TET3: variants seen among roughly 807,000 people sequenced by gnomAD.
TET3 encodes the protein methylcytosine dioxygenase TET3.
TET3 carries 19 observed loss-of-function variants against 141.4 expected under a neutral mutation model. The ratio of observed to expected loss-of-function variants is 0.13; its 90% CI spans 0.09 to 0.20. TET3 has a LOEUF of 0.20. Among genes scored for constraint, TET3 ranks in the 10% least tolerant of loss-of-function variants. TET3 has a pLI of 1.00. For missense variants in TET3, 1,874 were observed against 2,356.9 expected (o/e 0.80, Z 4.24); for synonymous variants, 1,043 against 980.9 (o/e 1.06, Z -1.18).
rs372536879 is a variant in TET3, at chr2:74,047,094, C to G, written c.1177C>G (p.Pro393Ala). 19 of 1,614,008 alleles carry G rather than the reference C, an allele frequency of 1.2e-5. No homozygotes were observed. Among genetic ancestry groups the G allele is most frequent in the Non-Finnish European group, 1.6e-5 (19 of 1,179,874 alleles). The change falls in exon 4 of 12, where the codon CCT (proline) becomes GCT (alanine). Residue 393 changes from proline (P) to alanine (A), a missense_variant. Around this residue, in one of 10 missense-constraint regions of TET3, gnomAD observed 484 missense variants for 462.2 expected, o/e 1.05. Transcript: ENST00000409262. Reference sequence around the variant, plus strand: ...TCCTGAGGCCTTGTCACCTCCTGCCCCTTTCAGATCTCCCCAGTCTTACCT... The same window carrying G: ...TCCTGAGGCCTTGTCACCTCCTGCCGCTTTCAGATCTCCCCAGTCTTACCT... ...PLPEALSPPA[P>A]FRSPQSYLRA...
At chr2:74,118,109 C>G in the TET3 span, among the ~76,000 whole-genome samples, 4 of 152,316 alleles carry the variant, frequency 2.6e-5, no homozygotes, top group Non-Finnish European at 5.9e-5. Flanking sequence ...ACCTGTGACG[C>G]TAATCATCTC....
the TET3 span, among the ~76,000 whole-genome samples, chr2:74,129,212 A>T: frequency 2.7e-5 from 4 of 146,770 alleles, no homozygotes; most frequent in Non-Finnish European, 6.0e-5. Flanking sequence ...GCTACTCAGG[A>T]GGCTGAGGCA....
chr2:74,043,730 G>A (rs971127017), intron 3 of TET3, among the ~76,000 whole-genome samples: 2 of 152,198 alleles, frequency 1.3e-5, no homozygotes, highest in Admixed American at 6.5e-5. Flanking sequence ...GTGAGGATGA[G>A]ACAGGAACTG....
At chr2:73,993,961 G>A (rs1684455173) in intron 2 of TET3, among the ~76,000 whole-genome samples, 1 of 152,100 alleles carries the variant, frequency 6.6e-6, no homozygotes, top group African/African-American at 2.4e-5. Context: ...ACAAGATGAA[G>A]TAGTAGGCGA....
At chr2:74,036,339 G>T (rs1446198382) in intron 3 of TET3, among the ~76,000 whole-genome samples, 1 of 152,094 alleles carries the variant, frequency 6.6e-6, no homozygotes, top group East Asian at 1.9e-4. Context: ...GTATTTTTCT[G>T]ATTACTGATG....
At chr2:74,002,288 C>T (rs1684887799) in intron 2 of TET3, among the ~76,000 whole-genome samples, 1 of 152,174 alleles carries the variant, frequency 6.6e-6, no homozygotes, top group African/African-American at 2.4e-5. Context: ...CACCTCATGC[C>T]CTTGTGACAG....
rs1687718380 is a variant in TET3 at position 74,047,728 on chromosome 2, G to A, written c.1811G>A (p.Arg604Gln). 6.2e-6 allele frequency: 10 copies of A among 1,613,466 alleles called. No individual in the cohort carries two copies. Among genetic ancestry groups the A allele is most frequent in the Middle Eastern group, 1.6e-4 (1 of 6,062 alleles). The stretch of plus-strand genomic sequence containing the variant: ...GCCCCTGGGATCAAGCCCAGTGTCC[G>A]AAAGCCCATTCAGATCAAGAAGTCC... ...KAAPGIKPSV[R>Q]KPIQIKKSRP... Residue 604 changes from arginine to glutamine, a missense_variant, in exon 4 of 12, where the codon CGA (arginine) becomes CAA (glutamine). Physicochemically the swap from Arg to Gln is conservative, Grantham distance 43. Around this residue, in one of 10 missense-constraint regions of TET3, gnomAD observed 484 missense variants for 462.2 expected, o/e 1.05. Transcript: ENST00000409262.
At chr2:74,075,105 T>C (rs950940413) in intron 5 of TET3, among the ~76,000 whole-genome samples, 3 of 151,862 alleles carry the variant, frequency 2.0e-5, no homozygotes, top group Admixed American at 6.6e-5. Flanking sequence ...CTCCTGACCT[T>C]GTGATCCGCC....
intron 3 of TET3, among the ~76,000 whole-genome samples, chr2:74,019,757 C>T (rs538207127): frequency 6.6e-6 from 1 of 152,290 alleles, no homozygotes; most frequent in Non-Finnish European, 1.5e-5. Flanking sequence ...ACAGATTGGG[C>T]ACCCTCCTTG....
At chr2:74,051,502 A>G (rs1310537295) in intron 4 of TET3, among the ~76,000 whole-genome samples, 5 of 152,214 alleles carry the variant, frequency 3.3e-5, no homozygotes, top group Non-Finnish European at 7.3e-5. Context: ...ATTTTCTACA[A>G]TGAAATTTGT....
At chr2:74,027,405 G>A (rs1236513706) in intron 3 of TET3, among the ~76,000 whole-genome samples, 1 of 151,018 alleles carries the variant, frequency 6.6e-6, no homozygotes, top group African/African-American at 2.4e-5. Context: ...CCCATTGGCA[G>A]TGTATAATTC....
intron 3 of TET3, among the ~76,000 whole-genome samples, chr2:74,029,378 G>C (rs1686548594): frequency 6.6e-6 from 1 of 152,062 alleles, no homozygotes; most frequent in African/African-American, 2.4e-5. Flanking sequence ...ACGTCCCTTG[G>C]GAATATAGCA....
At chr2:74,114,103 G>T in the TET3 span, among the ~76,000 whole-genome samples, 1 of 152,168 alleles carries the variant, frequency 6.6e-6, no homozygotes, top group Non-Finnish European at 1.5e-5. Flanking sequence ...CATAAAAATA[G>T]ACACAAAGAC....
At chr2:74,114,661 G>A in the TET3 span, among the ~76,000 whole-genome samples, 2 of 151,810 alleles carry the variant, frequency 1.3e-5, no homozygotes, top group African/African-American at 4.8e-5. Context: ...AGACCAGCCT[G>A]GCCAACATGG....
rs1381618490 is a variant in TET3, at chr2:74,104,545, TAAGC to T, written c.*2373_*2376del. ...TTGAAAACTTCATTTTAAATGATCT[TAAGC>T]AAGAAATACAATATTTTACGAAACA... On this transcript the variant is annotated 3_prime_UTR_variant, in exon 12 of 12. Coordinates refer to ENST00000409262, the MANE Select transcript of TET3 (RefSeq NM_001287491.2). The T allele has an allele frequency of 6.6e-6, 1 of 152,218 alleles. No homozygotes were observed. Among genetic ancestry groups the T allele is most frequent in the South Asian group, 2.1e-4 (1 of 4,834 alleles). 9.4% of individuals were successfully genotyped at this position (152,218 alleles called of 1,614,324 possible). A position where few individuals can be genotyped will look rare whatever the true frequency, so the allele number is the denominator to read the frequency against.
intron 8 of TET3, among the ~76,000 whole-genome samples, chr2:74,092,482 C>G (rs769671240): frequency 1.6e-4 from 24 of 152,140 alleles, no homozygotes; most frequent in Non-Finnish European, 2.8e-4. Flanking sequence ...AGCATGGATC[C>G]TGCCTGCCTT....
At chr2:74,110,208 G>A (rs192685372), downstream of TET3, among the ~76,000 whole-genome samples, 1 of 152,076 alleles carries the variant, frequency 6.6e-6, no homozygotes, top group Non-Finnish European at 1.5e-5. Flanking sequence ...ACTCAAGTCT[G>A]CGTGCAATTT....
chr2:74,066,443 A>G (rs1688905774), intron 4 of TET3, among the ~76,000 whole-genome samples: 1 of 152,246 alleles, frequency 6.6e-6, no homozygotes, highest in South Asian at 2.1e-4. Context: ...AGTATCTGTA[A>G]TATATATCTT....
chr2:74,094,092 G>A (rs552146051), intron 10 of TET3, among the ~76,000 whole-genome samples: 97 of 152,350 alleles, frequency 6.4e-4, no homozygotes, highest in Non-Finnish European at 1.0e-3. Context: ...TCCTGCCCAA[G>A]TATGTGTGGG....
Sources: allele counts gnomAD v4.1 joint callset (sites outside exome capture counted in the v4.1 genomes callset), GRCh38; gene constraint gnomAD v4.1.1; regional missense constraint gnomAD v4.1.1; transcripts MANE v1.5; gene names NCBI Gene and HGNC (gene_info 2026-07-23, HGNC 2026-07-21).